Variants in L3MBTL4 observed in about 807,000 individuals in gnomAD.
L3MBTL4 encodes the protein L3MBTL histone methyl-lysine binding protein 4.
In L3MBTL4, 70 loss-of-function variants were observed where a neutral mutation model predicts 84.5. The observed-to-expected ratio is 0.83, with a 90% CI of 0.68 to 1.01. The LOEUF (loss-of-function observed/expected upper bound fraction) is 1.01. Among genes scored for constraint, L3MBTL4 ranks in the 50% least tolerant of loss-of-function variants. L3MBTL4 has a pLI of 0.00. For synonymous variants in L3MBTL4, 274 were observed against 259.8 expected (o/e 1.05, Z -0.52); for missense variants, 715 against 754.8 (o/e 0.95, Z 0.62).
At chr18:6,334,190 C>T (rs1466549868) in intron 1 of L3MBTL4, among the ~76,000 whole-genome samples, 1 of 152,252 alleles carries the variant, frequency 6.6e-6, no homozygotes, top group Non-Finnish European at 1.5e-5. Flanking sequence ...GGTCAACAAA[C>T]GTTGACCTAA....
intron 13 of L3MBTL4, among the ~76,000 whole-genome samples, chr18:6,144,613 A>G (rs548617232): frequency 2.0e-5 from 3 of 152,316 alleles, no homozygotes; most frequent in Admixed American, 6.5e-5. Context: ...TTCCTTGCCA[A>G]CCAAACTCTG....
At chr18:6,054,340 GGATTCAGTCCCTGGCTCCATCCCT>G (rs1211394042) in intron 16 of L3MBTL4, among the ~76,000 whole-genome samples, 1 of 152,028 alleles carries the variant, frequency 6.6e-6, no homozygotes, top group African/African-American at 2.4e-5. Context: ...AGTAAGACCT[GGATTCAGTCCCTGGCTCCATCCCT>G]GAGGTGTGGA....
At chr18:6,397,708 T>A (rs1403811721) in intron 1 of L3MBTL4, 3 of 152,018 alleles carry the variant, frequency 2.0e-5, no homozygotes, top group Admixed American at 2.0e-4. Context: ...AATAAAAAAT[T>A]AGCCAGGCAT....
At chr18:6,218,857 G>A (rs2046432339) in intron 10 of L3MBTL4, among the ~76,000 whole-genome samples, 1 of 152,136 alleles carries the variant, frequency 6.6e-6, no homozygotes, top group South Asian at 2.1e-4. Context: ...CAGGGGGAGT[G>A]GGAGGGGCCA....
At chr18:6,282,432 G>A (rs1302947767) in intron 4 of L3MBTL4, among the ~76,000 whole-genome samples, 2 of 152,136 alleles carry the variant, frequency 1.3e-5, no homozygotes, top group African/African-American at 4.8e-5. Context: ...CTATAATTAG[G>A]CAAAGGAAGG....
intron 12 of L3MBTL4, among the ~76,000 whole-genome samples, chr18:6,209,336 A>AAGGT (rs2046002057): frequency 1.3e-5 from 2 of 152,084 alleles, no homozygotes; most frequent in African/African-American, 4.8e-5. Flanking sequence ...AACACTGGGC[A>AAGGT]AGGTATTTCA....
At chr18:6,349,432 G>T (rs1276250588) in intron 1 of L3MBTL4, among the ~76,000 whole-genome samples, 2 of 152,136 alleles carry the variant, frequency 1.3e-5, no homozygotes, top group African/African-American at 4.8e-5. Flanking sequence ...AGCCAAACAC[G>T]AAAGAATACA....
Position 6,093,470 on chromosome 18 carries a change from G to T in L3MBTL4, c.1258C>A (p.Arg420Ser), listed in dbSNP as rs749722357. 4.3e-6 allele frequency: 7 copies of T among 1,613,920 alleles called. No homozygotes were observed. In the South Asian group the frequency reaches 7.7e-5, roughly 18 times the overall value. Residue 420 changes from arginine (R) to serine (S), a missense_variant, in exon 15 of 19, where the codon CGT becomes AGT. Physicochemically the swap from Arg to Ser is moderately radical, Grantham distance 110 (BLOSUM62 -1). Transcript: ENST00000317931. ...TTTGCCTGTGTTTGTTCTCTCAAAC[G>T]ATCGTGAAGTGTTGCCTCCTTTTTC... ...NLKKEATLHD[R>S]LREQTQANLE... is the part of the protein sequence containing the mutation.
chr18:5,981,292 C>T (rs2053199137), intron 16 of L3MBTL4, among the ~76,000 whole-genome samples: 1 of 152,190 alleles, frequency 6.6e-6, no homozygotes, highest in African/African-American at 2.4e-5. Context: ...CTTACTATTT[C>T]ACAGACTTCA....
At chr18:6,407,295 T>C (rs2144715067) in intron 1 of L3MBTL4, among the ~76,000 whole-genome samples, 1 of 152,260 alleles carries the variant, frequency 6.6e-6, no homozygotes, top group East Asian at 1.9e-4. Context: ...ACCTTAACAG[T>C]TCCTCTTCTA....
intron 6 of L3MBTL4, 107 bp downstream of exon 6, chr18:6,244,377 T>G: frequency 1.5e-6 from 1 of 677,124 alleles, no homozygotes; most frequent in Non-Finnish European, 2.5e-6. Flanking sequence ...AAATCCATAA[T>G]GCACTGGAAC....
At chr18:6,311,295 G>A (rs1457257365) in intron 3 of L3MBTL4, among the ~76,000 whole-genome samples, 3 of 151,886 alleles carry the variant, frequency 2.0e-5, no homozygotes, top group African/African-American at 7.3e-5. Context: ...TCTCTTACTT[G>A]AGAATGATTG....
At position 6,064,943 on chromosome 18, in the gene L3MBTL4, T is replaced by C. The variant is rs141144604; in HGVS notation, c.1444+15938A>G. On this transcript the variant is annotated intron_variant, in intron 16 of 18. Transcript: ENST00000317931. The stretch of plus-strand genomic sequence containing the variant: ...GTCTTGTTCCAGTTCTCAGGGGGAA[T>C]GCTTTAAACTCTTCGCCATTCAGCG... 8.6e-3 allele frequency among the ~76,000 whole-genome samples: 1,308 copies of C among 152,158 alleles called. 23 individuals are homozygous for C. The highest frequency in any genetic ancestry group is 0.052 in the South Asian group (252 of 4,824).
At chr18:6,324,271 G>C (rs2051593533) in intron 1 of L3MBTL4, among the ~76,000 whole-genome samples, 1 of 152,210 alleles carries the variant, frequency 6.6e-6, no homozygotes, top group Non-Finnish European at 1.5e-5. Flanking sequence ...CAGTGCAGAG[G>C]GGAAATGTGG....
chr18:6,164,450 C>T (rs2043537409), intron 13 of L3MBTL4, among the ~76,000 whole-genome samples: 1 of 152,206 alleles, frequency 6.6e-6, no homozygotes, highest in East Asian at 1.9e-4. Flanking sequence ...AGACTGACAC[C>T]TCACACGGCT....
At chr18:6,391,752 A>AACAACTACTACTACTACTACTACTACT (rs1555755552) in intron 1 of L3MBTL4, among the ~76,000 whole-genome samples, 357 of 150,106 alleles carry the variant, frequency 2.4e-3, no homozygotes, top group African/African-American at 6.6e-3. Context: ...CAACAACAAC[A>AACAACTACTACTACTACTACTACTACT]ACTACTACTA....
intron 1 of L3MBTL4, among the ~76,000 whole-genome samples, chr18:6,384,486 T>C (rs2054731256): frequency 1.3e-5 from 2 of 152,206 alleles, no homozygotes; most frequent in South Asian, 2.1e-4. Flanking sequence ...TTGAATTGTA[T>C]ACCCTGTGCA....
chr18:6,336,026 C>T (rs2052319157), intron 1 of L3MBTL4, among the ~76,000 whole-genome samples: 1 of 152,152 alleles, frequency 6.6e-6, no homozygotes, highest in Non-Finnish European at 1.5e-5. Context: ...AGAAAGGTCA[C>T]AAGTAGTCAC....
At chr18:6,154,043 C>T (rs944514697) in intron 13 of L3MBTL4, among the ~76,000 whole-genome samples, 8 of 152,126 alleles carry the variant, frequency 5.3e-5, no homozygotes, top group African/African-American at 1.9e-4. Context: ...ATGTGAATGC[C>T]TTTCATTTCT....
Sources: gnomAD v4.1 joint callset for allele counts (sites outside exome capture counted in the v4.1 genomes callset) on GRCh38, gnomAD v4.1.1 for gene constraint, MANE v1.5 for transcripts, NCBI Gene and HGNC (gene_info 2026-07-23, HGNC 2026-07-21) for gene names.